Variants in ANO1 observed in about 807,000 individuals in gnomAD.
ANO1 encodes anoctamin 1, also known as anoctamin-1.
Under a neutral mutation model 124.0 loss-of-function variants are expected in ANO1, and 59 were observed. That is an observed-to-expected ratio of 0.48 (90% CI 0.39 to 0.59). The LOEUF is 0.59. Among genes scored for constraint, ANO1 ranks in the 20% least tolerant of loss-of-function variants. ANO1 has a pLI of 0.00. For missense variants in ANO1, 1,059 were observed against 1,328.0 expected (o/e 0.80, Z 3.15); for synonymous variants, 529 against 532.0 (o/e 0.99, Z 0.08).
At chr11:70,113,555 G>A (rs57505566) in intron 7 of ANO1, among the ~76,000 whole-genome samples, 20,926 of 143,826 alleles carry the variant, frequency 0.15, 1,575 homozygotes, top group South Asian at 0.3. Flanking sequence ...CCGGCTGGGT[G>A]CCAGGAAGAC....
At chr11:70,046,023 A>G (rs1395087098) in intron 1 of ANO1, among the ~76,000 whole-genome samples, 1 of 152,188 alleles carries the variant, frequency 6.6e-6, no homozygotes, top group Non-Finnish European at 1.5e-5. Flanking sequence ...TCCCCAGATC[A>G]CTGGGACTCT....
chr11:70,124,779 G>A (rs959206123), intron 9 of ANO1, among the ~76,000 whole-genome samples: 4 of 152,180 alleles, frequency 2.6e-5, no homozygotes, highest in Non-Finnish European at 5.9e-5. Flanking sequence ...GAGGATCTCT[G>A]TCCTCACAGG....
At chr11:69,985,517 G>T (rs923445637), upstream of ANO1, among the ~76,000 whole-genome samples, 7 of 152,178 alleles carry the variant, frequency 4.6e-5, no homozygotes, top group Non-Finnish European at 8.8e-5. Flanking sequence ...TTCTGATGCG[G>T]GAACCAGGGC....
chr11:70,187,885 T>C lies in ANO1; in HGVS notation c.2842T>C (p.Trp948Arg), dbSNP rs1457347892. 5.0e-6 allele frequency: 8 copies of C among 1,603,654 alleles called. No individual in the cohort carries two copies. Among genetic ancestry groups the C allele is most frequent in the Non-Finnish European group, 6.8e-6 (8 of 1,175,676 alleles). The change falls in exon 26 of 26, where the codon TGG (tryptophan) becomes CGG (arginine). Residue 948 changes from tryptophan to arginine, a missense_variant. Around this residue, in one of 2 missense-constraint regions of ANO1, gnomAD observed 809 missense variants for 1,094.9 expected, o/e 0.74. Transcript: ENST00000355303. ...AGACAAGCAGCAGCTGCTGGAAACC[T>C]GGATGGAGAAGGAGCGGCAGAAGGA... ...EQDKQQLLET[W>R]MEKERQKDEP...
At chr11:69,988,675 G>C (rs1203865972) in intron 1 of ANO1, among the ~76,000 whole-genome samples, 1 of 152,158 alleles carries the variant, frequency 6.6e-6, no homozygotes, top group East Asian at 1.9e-4. Context: ...TGCCTACTTA[G>C]CAGCTCCTTA....
chr11:70,087,833 T>C lies in ANO1; in HGVS notation c.190T>C (p.Tyr64His). ...YFRDGRRKVD[Y>H]ILVYHHKRPS... is the part of the protein sequence containing the mutation. Reference sequence around the variant, plus strand: ...CAGGGACGGCCGGCGCAAGGTGGACTACATCCTGGTGTACCATCACAAGAG... The same window carrying C: ...CAGGGACGGCCGGCGCAAGGTGGACCACATCCTGGTGTACCATCACAAGAG... The change falls in exon 2 of 26, where the codon TAC becomes CAC. Residue 64 changes from tyrosine to histidine, a missense_variant. This residue lies in a region of ANO1 where 250 missense variants were observed against 233.1 expected (regional missense o/e 1.07). Transcript: ENST00000355303. 1 of 1,613,062 alleles carries C rather than the reference T, an allele frequency of 6.2e-7. No homozygotes were observed. The highest frequency in any genetic ancestry group is 8.5e-7 in the Non-Finnish European group (1 of 1,179,754).
chr11:70,148,217 G>A (rs886071837), intron 11 of ANO1, among the ~76,000 whole-genome samples: 7 of 152,038 alleles, frequency 4.6e-5, no homozygotes, highest in South Asian at 2.1e-4. Flanking sequence ...TTATTTGCAC[G>A]TCAGTGCTGC....
At chr11:70,121,046 A>G (rs1281453738) in intron 8 of ANO1, among the ~76,000 whole-genome samples, 1 of 152,150 alleles carries the variant, frequency 6.6e-6, no homozygotes, top group East Asian at 1.9e-4. Context: ...GTCAAGCGGT[A>G]TATGTAGAAA....
In ANO1 at chr11:70,161,253, G is replaced by A; in HGVS notation, c.1671G>A (p.Arg557=). ...CCATGAACTCCTCCCCCTCCGTGCG[G>A]TCCAACATCCGGGTCACAGTCACAG... is the stretch of plus-strand genomic sequence containing the variant. ...ALAMNSSPSV[R]SNIRVTVTAT... is the part of the protein sequence containing the mutation. The change falls in exon 17 of 26, where the codon CGG becomes CGA. Residue 557 remains arginine (R), a synonymous_variant. Coordinates refer to ENST00000355303, the MANE Select transcript of ANO1 (RefSeq NM_018043.7). 3.7e-6 allele frequency: 6 copies of A among 1,613,904 alleles called. No homozygotes were observed. Among genetic ancestry groups the A allele is most frequent in the Non-Finnish European group, 5.1e-6 (6 of 1,179,810 alleles).
intron 1 of ANO1, among the ~76,000 whole-genome samples, chr11:70,055,613 T>C (rs1857421202): frequency 6.6e-6 from 1 of 152,054 alleles, no homozygotes; most frequent in South Asian, 2.1e-4. Flanking sequence ...TTTTAAAAAA[T>C]TCAGTCTGAT....
chr11:70,150,016 T>G (rs1466273388), intron 12 of ANO1: 1 of 653,368 alleles, frequency 1.5e-6, no homozygotes, highest in Non-Finnish European at 2.8e-6. Flanking sequence ...TCTGCTGAAG[T>G]GTTTTCATCC....
At chr11:70,141,079 T>C (rs1327046366) in intron 11 of ANO1, among the ~76,000 whole-genome samples, 1 of 152,132 alleles carries the variant, frequency 6.6e-6, no homozygotes, top group Non-Finnish European at 1.5e-5. Context: ...CCCATCTGCC[T>C]CCAAGGTTTC....
intron 1 of ANO1, among the ~76,000 whole-genome samples, chr11:70,042,020 C>T (rs1201493862): frequency 6.6e-6 from 1 of 152,014 alleles, no homozygotes; most frequent in African/African-American, 2.4e-5. Flanking sequence ...GATACCTGGG[C>T]TGAGGTAGGA....
chr11:70,051,016 GCAAA>G (rs1857342149), intron 1 of ANO1, among the ~76,000 whole-genome samples: 1 of 152,118 alleles, frequency 6.6e-6, no homozygotes, highest in East Asian at 1.9e-4. Context: ...TTATTTCAGA[GCAAA>G]CAGTTTTTAT....
chr11:70,145,978 AC>A (rs2047363657), intron 11 of ANO1, among the ~76,000 whole-genome samples: 1 of 151,018 alleles, frequency 6.6e-6, no homozygotes, highest in Admixed American at 6.6e-5. Context: ...AAGAAAGAAT[AC>A]CAAGGTTCAA....
chr11:69,995,093 G>GTTTTT (rs1278482378), intron 1 of ANO1, among the ~76,000 whole-genome samples: 14 of 21,640 alleles, frequency 6.5e-4, no homozygotes, highest in African/African-American at 1.0e-3. Context: ...TGCTGGCACT[G>GTTTTT]TTTTTTTTTT....
At chr11:70,011,287 G>T (rs930154515) in intron 1 of ANO1, among the ~76,000 whole-genome samples, 6 of 152,132 alleles carry the variant, frequency 3.9e-5, no homozygotes, top group Non-Finnish European at 8.8e-5. Flanking sequence ...GGAAGGATGG[G>T]AAGTGTCCTT....
chr11:70,103,488 G>T (rs942931779), intron 3 of ANO1, among the ~76,000 whole-genome samples: 1 of 152,082 alleles, frequency 6.6e-6, no homozygotes, highest in Non-Finnish European at 1.5e-5. Context: ...GTTACAGTTC[G>T]GGCCGTGGTG....
At chr11:70,143,374 G>A (rs1256530672) in intron 11 of ANO1, among the ~76,000 whole-genome samples, 3 of 152,168 alleles carry the variant, frequency 2.0e-5, no homozygotes, top group Admixed American at 6.5e-5. Context: ...AGGAGGTGCC[G>A]CGAAATTAGG....
Sources: allele counts gnomAD v4.1 joint callset (sites outside exome capture counted in the v4.1 genomes callset), GRCh38; gene constraint gnomAD v4.1.1; regional missense constraint gnomAD v4.1.1; transcripts MANE v1.5; gene names NCBI Gene and HGNC (gene_info 2026-07-23, HGNC 2026-07-21).